PLXDC2: variants seen among roughly 807,000 people sequenced by gnomAD.
PLXDC2 encodes the protein plexin domain-containing protein 2.
In PLXDC2, 40 loss-of-function variants were observed where a neutral mutation model predicts 68.9. The ratio of observed to expected loss-of-function variants is 0.58; its 90% CI spans 0.45 to 0.76. The LOEUF (loss-of-function observed/expected upper bound fraction) is 0.76, where lower values mean the gene tolerates loss of function less well. PLXDC2 is among the 30% of genes least tolerant of loss of function. The probability of loss-of-function intolerance (pLI) is 0.00; values close to 1 mark genes in which losing one functional copy is unlikely to be tolerated. For synonymous variants in PLXDC2, 243 were observed against 234.2 expected (o/e 1.04, Z -0.34); for missense variants, 644 against 661.9 (o/e 0.97, Z 0.30).
chr10:19,954,665 A>G (rs1834040188), intron 1 of PLXDC2, among the ~76,000 whole-genome samples: 1 of 152,184 alleles, frequency 6.6e-6, no homozygotes, highest in Non-Finnish European at 1.5e-5. Context: ...TTCTATTTCC[A>G]TTTATTGATA....
chr10:19,907,993 A>T (rs921575308), intron 1 of PLXDC2, among the ~76,000 whole-genome samples: 1 of 152,210 alleles, frequency 6.6e-6, no homozygotes, highest in Non-Finnish European at 1.5e-5. Context: ...ATAAGATTTA[A>T]TCGCTGTGTT....
intron 3 of PLXDC2, among the ~76,000 whole-genome samples, chr10:20,053,688 G>C (rs1305000412): frequency 6.6e-6 from 1 of 152,126 alleles, no homozygotes; most frequent in African/African-American, 2.4e-5. Flanking sequence ...TGAAATGACA[G>C]TTGATGACAT....
At chr10:20,001,202 G>T (rs1416388965) in intron 1 of PLXDC2, among the ~76,000 whole-genome samples, 3 of 152,142 alleles carry the variant, frequency 2.0e-5, no homozygotes, top group African/African-American at 7.2e-5. Flanking sequence ...TTATTAAATG[G>T]GTCAGGCAAT....
chr10:19,894,660 T>G (rs1053504433), intron 1 of PLXDC2, among the ~76,000 whole-genome samples: 8 of 152,192 alleles, frequency 5.3e-5, no homozygotes, highest in African/African-American at 1.9e-4. Flanking sequence ...ATTATTATAC[T>G]TAAAGTTCTG....
chr10:19,939,694 A>G (rs916856965), intron 1 of PLXDC2, among the ~76,000 whole-genome samples: 3 of 152,178 alleles, frequency 2.0e-5, no homozygotes, highest in Admixed American at 6.5e-5. Flanking sequence ...GTACCTATCC[A>G]AAGAAAGCAT....
At chr10:20,067,885 A>T (rs1836240579) in intron 3 of PLXDC2, among the ~76,000 whole-genome samples, 1 of 152,140 alleles carries the variant, frequency 6.6e-6, no homozygotes, top group African/African-American at 2.4e-5. Context: ...GTCAAACTAA[A>T]AAGAACCTCA....
chr10:20,083,310 C>T (rs867242492), intron 4 of PLXDC2, among the ~76,000 whole-genome samples: 1 of 151,588 alleles, frequency 6.6e-6, no homozygotes, highest in Middle Eastern at 3.2e-3. Context: ...CCCGTCTCTA[C>T]TAAAAAAATA....
At chr10:19,844,307 A>G (rs1484982512) in intron 1 of PLXDC2, among the ~76,000 whole-genome samples, 2 of 152,202 alleles carry the variant, frequency 1.3e-5, no homozygotes, top group Non-Finnish European at 1.5e-5. Context: ...AATGGTTCCT[A>G]TCCCAGCGGG....
intron 2 of PLXDC2, among the ~76,000 whole-genome samples, chr10:20,014,632 T>C (rs995635657): frequency 1.3e-5 from 2 of 152,144 alleles, no homozygotes; most frequent in Non-Finnish European, 2.9e-5. Context: ...CAAAATGTTA[T>C]TTTGCTCCCT....
At chr10:20,201,491 A>G in intron 9 of PLXDC2, among the ~76,000 whole-genome samples, 1 of 151,964 alleles carries the variant, frequency 6.6e-6, no homozygotes. Context: ...TATATACAGT[A>G]TAATAGATTA....
intron 1 of PLXDC2, among the ~76,000 whole-genome samples, chr10:19,834,286 G>A (rs1297193993): frequency 2.6e-5 from 4 of 152,048 alleles, no homozygotes; most frequent in South Asian, 2.1e-4. Context: ...CAAGGCCCCT[G>A]GTTAGATCAA....
At chr10:20,185,294 T>C (rs1326426509) in intron 9 of PLXDC2, among the ~76,000 whole-genome samples, 1 of 149,790 alleles carries the variant, frequency 6.7e-6, no homozygotes, top group Non-Finnish European at 1.5e-5. Flanking sequence ...AAAAACTGGG[T>C]GTATTAAGAG....
intron 9 of PLXDC2, among the ~76,000 whole-genome samples, chr10:20,184,594 G>A (rs891970180): frequency 7.9e-5 from 12 of 151,700 alleles, no homozygotes; most frequent in Admixed American, 5.9e-4. Context: ...CAAATAAACT[G>A]CATTCATATC....
At chr10:20,246,597 G>T (rs545098188) in intron 13 of PLXDC2, among the ~76,000 whole-genome samples, 3 of 152,154 alleles carry the variant, frequency 2.0e-5, no homozygotes, top group African/African-American at 7.2e-5. Flanking sequence ...TGATCCTCCC[G>T]CCTTGGCCTC....
At chr10:19,910,939 G>A (rs1833259346) in intron 1 of PLXDC2, among the ~76,000 whole-genome samples, 1 of 152,066 alleles carries the variant, frequency 6.6e-6, no homozygotes, top group Non-Finnish European at 1.5e-5. Flanking sequence ...AACCTGGGAG[G>A]CAAAGGTTGC....
At chr10:20,117,969 A>G (rs1833643906) in intron 4 of PLXDC2, among the ~76,000 whole-genome samples, 1 of 152,130 alleles carries the variant, frequency 6.6e-6, no homozygotes, top group African/African-American at 2.4e-5. Flanking sequence ...AAGATACTCG[A>G]TATGTGTTTT....
At chr10:19,906,138 T>C (rs990302647) in intron 1 of PLXDC2, among the ~76,000 whole-genome samples, 2 of 152,098 alleles carry the variant, frequency 1.3e-5, no homozygotes, top group Admixed American at 6.6e-5. Flanking sequence ...AGAGAGGGAC[T>C]AAAGTGTGAG....
intron 1 of PLXDC2, among the ~76,000 whole-genome samples, chr10:19,850,526 T>C (rs371283688): frequency 6.6e-6 from 1 of 152,132 alleles, no homozygotes; most frequent in Non-Finnish European, 1.5e-5. Flanking sequence ...GCTAAAAAGA[T>C]TAGTATCTCA....
intron 6 of PLXDC2, among the ~76,000 whole-genome samples, chr10:20,159,142 G>A (rs1486464894): frequency 6.6e-6 from 1 of 152,106 alleles, no homozygotes; most frequent in African/African-American, 2.4e-5. Flanking sequence ...CCTCTCCAGC[G>A]CTTCCTCTCC....
Sources: gnomAD v4.1 joint callset for allele counts (sites outside exome capture counted in the v4.1 genomes callset) on GRCh38, gnomAD v4.1.1 for gene constraint, MANE v1.5 for transcripts, NCBI Gene and HGNC (gene_info 2026-07-23, HGNC 2026-07-21) for gene names.